Variants in ZBTB17 observed in about 807,000 individuals in gnomAD.
ZBTB17 encodes zinc finger and BTB domain containing 17, also known as zinc finger and BTB domain-containing protein 17.
A neutral mutation model predicts 85.1 loss-of-function variants in ZBTB17; 24 were observed. The ratio of observed to expected loss-of-function variants is 0.28; its 90% CI spans 0.20 to 0.40. The LOEUF (loss-of-function observed/expected upper bound fraction) is 0.40, where lower values mean the gene tolerates loss of function less well. ZBTB17 is among the 10% of genes least tolerant of loss of function. The pLI is 1.00. For synonymous variants in ZBTB17, 464 were observed against 460.2 expected, an observed-to-expected ratio of 1.01 and a Z score of -0.11; for missense variants, 743 against 1,105.1, an observed-to-expected ratio of 0.67 and a Z score of 4.65.
At chr1:15,943,305 A>C (rs2071438280) in intron 12 of ZBTB17, 94 bp downstream of exon 12, 12 of 1,591,938 alleles carry the variant, frequency 7.5e-6, no homozygotes, top group Non-Finnish European at 1.0e-5. Context: ...CGTGGGCAGC[A>C]GTCAGCTCAG....
intron 2 of ZBTB17, among the ~76,000 whole-genome samples, chr1:15,957,766 C>T (rs1432536098): frequency 1.3e-5 from 2 of 152,078 alleles, no homozygotes; most frequent in Non-Finnish European, 2.9e-5. Context: ...AGAGCCAACA[C>T]CATTAGCTGA....
In ZBTB17 at chr1:15,945,749, T is replaced by A. The variant is rs2071574328; in HGVS notation, c.627A>T (p.Glu209Asp). 5 of 1,607,064 alleles carry A rather than the reference T, an allele frequency of 3.1e-6. No individual in the cohort carries two copies. In the African/African-American group the frequency reaches 6.7e-5, roughly 21 times the overall value. ...AGCTCTCGGACAAAGCGGCCTCAGC[T>A]TCTGCAGCAGCCATGCCACTCGTGG... is the stretch of plus-strand genomic sequence containing the variant. ...PDPTSGMAAAEAEAALSESSE... is the reference protein window; with the variant it reads ...PDPTSGMAAADAEAALSESSE... The change falls in exon 6 of 16, where the codon GAA (glutamate) becomes GAT (aspartate). Residue 209 changes from glutamate (E) to aspartate (D), a missense_variant. By Grantham distance (45) the Glu-to-Asp change is conservative. Around this residue, in one of 4 missense-constraint regions of ZBTB17, gnomAD observed 279 missense variants for 269.9 expected, o/e 1.03. Coordinates refer to ENST00000375743, the MANE Select transcript of ZBTB17 (RefSeq NM_003443.3).
At chr1:15,957,381 A>AGGTGTGTGGCACAGGGGCC (rs2072086764) in intron 2 of ZBTB17, among the ~76,000 whole-genome samples, 1 of 126,576 alleles carries the variant, frequency 7.9e-6, no homozygotes, top group Admixed American at 7.2e-5. Flanking sequence ...GGAGAGGAGG[A>AGGTGTGTGGCACAGGGGCC]GGTGTGTGGC....
At position 15,947,083 on chromosome 1, in the gene ZBTB17, C is replaced by G. The variant is rs767398694; in HGVS notation, c.246G>C (p.Leu82=). ...QVLEFMYTAK[L]SLSPENVDDV... Reference sequence around the variant, plus strand: ...CATCCACGTTCTCAGGGCTCAGGCTCAGCTTGGCCGTGTACATAAACTCCA... The same window carrying G: ...CATCCACGTTCTCAGGGCTCAGGCTGAGCTTGGCCGTGTACATAAACTCCA... Residue 82 remains leucine, a synonymous_variant, in exon 4 of 16, where the codon CTG becomes CTC. Coordinates refer to ENST00000375743, the MANE Select transcript of ZBTB17 (RefSeq NM_003443.3). 2 of 1,613,990 alleles carry G rather than the reference C, an allele frequency of 1.2e-6. No homozygotes were observed. Among genetic ancestry groups the G allele is most frequent in the South Asian group, 2.2e-5 (2 of 91,082 alleles).
intron 2 of ZBTB17, among the ~76,000 whole-genome samples, chr1:15,965,723 C>A (rs1422874056): frequency 6.6e-6 from 1 of 152,186 alleles, no homozygotes; most frequent in Admixed American, 6.5e-5. Context: ...GAACATTATT[C>A]ATCTGTGAAA....
Position 15,967,575 on chromosome 1 carries a change from G to A in ZBTB17, c.-3+5464C>T, listed in dbSNP as rs535116963. Among the ~76,000 whole-genome samples, 161 of 151,484 alleles carry A rather than the reference G, an allele frequency of 1.1e-3. 1 individual carries two copies. The highest frequency in any genetic ancestry group is 1.9e-3 in the Non-Finnish European group (126 of 67,936). ...GGTAACTTACTTTCCACAGGTACAC[G>A]CTTGAGAACCTTCTGATTTTTCTAC... is the stretch of plus-strand genomic sequence containing the variant. On this transcript the variant is annotated intron_variant, in intron 2 of 15. Transcript: ENST00000375743.
At chr1:15,958,772 C>G (rs848193) in intron 2 of ZBTB17, among the ~76,000 whole-genome samples, 23,467 of 152,188 alleles carry the variant, frequency 0.15, 2,083 homozygotes, top group Admixed American at 0.26. Flanking sequence ...CAAGAAAGAC[C>G]TTTGGGCAGG....
intron 2 of ZBTB17, among the ~76,000 whole-genome samples, chr1:15,967,715 G>C (rs1459751298): frequency 6.6e-6 from 1 of 152,108 alleles, no homozygotes; most frequent in Non-Finnish European, 1.5e-5. Context: ...CCAGGGACTC[G>C]ACTAAGCACT....
At chr1:15,972,353 C>T (rs988939890) in intron 2 of ZBTB17, among the ~76,000 whole-genome samples, 1 of 152,224 alleles carries the variant, frequency 6.6e-6, no homozygotes, top group Admixed American at 6.5e-5. Flanking sequence ...GTGGACCTCC[C>T]CTCAGGCTGG....
chr1:15,943,586 G>A lies in ZBTB17; in HGVS notation c.1576+13C>T, dbSNP rs747800778. ...TGCCCTCCCAGTCCTGGGCATGGCC[G>A]CTCACCACCCACCTGTGTGAATGCG... On this transcript the variant is annotated intron_variant, in intron 11 of 15. Coordinates refer to ENST00000375743, the MANE Select transcript of ZBTB17 (RefSeq NM_003443.3). 37 of 1,612,622 alleles carry A rather than the reference G, an allele frequency of 2.3e-5. No individual in the cohort carries two copies. In the East Asian group the frequency reaches 3.1e-4, roughly 14 times the overall value.
intron 3 of ZBTB17, among the ~76,000 whole-genome samples, chr1:15,947,705 C>A (rs1444455194): frequency 1.3e-5 from 2 of 152,230 alleles, no homozygotes; most frequent in Non-Finnish European, 2.9e-5. Flanking sequence ...TGACTTTCAT[C>A]AGGGCTCTGC....
chr1:15,956,122 C>T (rs904882079), intron 2 of ZBTB17, among the ~76,000 whole-genome samples: 8 of 152,214 alleles, frequency 5.3e-5, no homozygotes, highest in South Asian at 2.1e-4. Context: ...GACAAAATCA[C>T]GACATCTGGG....
At chr1:15,945,573 AG>A in intron 6 of ZBTB17, 141 bp downstream of exon 6, 2 of 1,225,938 alleles carry the variant, frequency 1.6e-6, no homozygotes, top group Non-Finnish European at 2.2e-6. Context: ...GCGAAGACCA[AG>A]GTGTCCCAAA....
chr1:15,947,172 C>T (rs548270921), intron 3 of ZBTB17, 49 bp from the exon 4 acceptor site: 35 of 1,544,800 alleles, frequency 2.3e-5, no homozygotes, highest in East Asian at 1.4e-4. Flanking sequence ...GATCCGGCAC[C>T]GGCAGCCTGC....
intron 2 of ZBTB17, among the ~76,000 whole-genome samples, chr1:15,960,450 T>C (rs1013013874): frequency 6.6e-6 from 1 of 152,202 alleles, no homozygotes; most frequent in East Asian, 1.9e-4. Context: ...GAGAGCCCAA[T>C]GCTGTCATCC....
At chr1:15,943,029 G>C (rs2071427836) in intron 13 of ZBTB17, 35 bp downstream of exon 13, 1 of 1,610,592 alleles carries the variant, frequency 6.2e-7, no homozygotes, top group Non-Finnish European at 8.5e-7. Context: ...AGCAGGGCCT[G>C]GGAAGGAACA....
intron 14 of ZBTB17, 32 bp downstream of exon 14, chr1:15,942,497 T>C: frequency 6.2e-7 from 1 of 1,610,084 alleles, no homozygotes; most frequent in Non-Finnish European, 8.5e-7. Flanking sequence ...GCAAGCTGCC[T>C]GTGACTTCCC....
rs930258728 is a variant in ZBTB17, at chr1:15,951,594, C to T, written c.-2-3097G>A. 6.6e-6 allele frequency among the ~76,000 whole-genome samples: 1 copy of T among 152,164 alleles called. No homozygotes were observed. The highest frequency in any genetic ancestry group is 1.5e-5 in the Non-Finnish European group (1 of 68,016). On this transcript the variant is annotated intron_variant, in intron 2 of 15. Transcript: ENST00000375743. The surrounding 1 kb of genome is among the most constrained non-coding windows in gnomAD (Gnocchi z 4.1). ...AGCTTTAACAGCCCCTCTCTCAAGG[C>T]CCGTGGCGAGACGGAGGCATGGCCG... is the stretch of plus-strand genomic sequence containing the variant.
intron 2 of ZBTB17, among the ~76,000 whole-genome samples, chr1:15,965,587 C>T (rs564919998): frequency 1.3e-5 from 2 of 152,314 alleles, no homozygotes; most frequent in African/African-American, 4.8e-5. Flanking sequence ...CAGCTGCAGT[C>T]CCTGGAGAGG....
Sources: allele counts gnomAD v4.1 joint callset (sites outside exome capture counted in the v4.1 genomes callset), GRCh38; gene constraint gnomAD v4.1.1; regional missense constraint gnomAD v4.1.1; non-coding constraint Gnocchi (gnomAD v3.1); transcripts MANE v1.5; gene names NCBI Gene and HGNC (gene_info 2026-07-23, HGNC 2026-07-21).